The following MTHFD1L variants were observed in gnomAD, a reference collection of about 807,000 sequenced individuals.
The protein encoded by MTHFD1L is methylenetetrahydrofolate dehydrogenase (NADP+ dependent) 1 like.
A neutral mutation model predicts 119.5 loss-of-function variants in MTHFD1L; 81 were observed. That is an observed-to-expected ratio of 0.68 (90% CI 0.57 to 0.82). The LOEUF is 0.82. MTHFD1L is among the 40% of genes least tolerant of loss of function. The pLI is 0.00. For synonymous variants in MTHFD1L, 430 were observed against 475.2 expected, an observed-to-expected ratio of 0.90 and a Z score of 1.24; for missense variants, 1,125 against 1,253.4, an observed-to-expected ratio of 0.90 and a Z score of 1.55.
At chr6:151,005,413 A>G (rs1179306944) in intron 20 of MTHFD1L, among the ~76,000 whole-genome samples, 1 of 152,150 alleles carries the variant, frequency 6.6e-6, no homozygotes, top group Non-Finnish European at 1.5e-5. Flanking sequence ...GCATTTCAGG[A>G]CAGTTTTCAA....
chr6:150,890,173 A>G (rs1782988906), intron 7 of MTHFD1L, among the ~76,000 whole-genome samples: 1 of 151,298 alleles, frequency 6.6e-6, no homozygotes, highest in African/African-American at 2.4e-5. Context: ...ATAATAATAA[A>G]AAGTGTATAT....
intron 5 of MTHFD1L, among the ~76,000 whole-genome samples, chr6:150,884,831 C>G (rs1381379243): frequency 6.6e-6 from 1 of 152,106 alleles, no homozygotes; most frequent in African/African-American, 2.4e-5. Context: ...TGCCCCCCAC[C>G]CCGACTTCTC....
chr6:150,957,474 C>G (rs939224192), intron 17 of MTHFD1L, among the ~76,000 whole-genome samples: 1 of 151,768 alleles, frequency 6.6e-6, no homozygotes, highest in Non-Finnish European at 1.5e-5. Flanking sequence ...TTTGAAATGA[C>G]CCAACAATTA....
chr6:151,033,272 G>A (rs1033669048), intron 24 of MTHFD1L, among the ~76,000 whole-genome samples: 2 of 151,918 alleles, frequency 1.3e-5, no homozygotes, highest in African/African-American at 4.8e-5. Flanking sequence ...GAAGTGCGCT[G>A]CCACACCCAG....
intron 26 of MTHFD1L, among the ~76,000 whole-genome samples, chr6:151,040,251 C>G (rs188663026): frequency 8.9e-4 from 136 of 152,378 alleles, no homozygotes; most frequent in Non-Finnish European, 8.8e-4. Context: ...ATAAGGCACT[C>G]AGCTCGGGGC....
chr6:150,947,212 G>A (rs1169561612), intron 15 of MTHFD1L, among the ~76,000 whole-genome samples: 5 of 150,688 alleles, frequency 3.3e-5, no homozygotes, highest in Admixed American at 6.6e-5. Context: ...GTTCTGCCTC[G>A]GCCTTCTGAG....
intron 10 of MTHFD1L, among the ~76,000 whole-genome samples, chr6:150,923,537 A>ATTTATTTATTTATTTATTTTTTTTT (rs1254981530): frequency 1.1e-5 from 1 of 95,208 alleles, no homozygotes; most frequent in Admixed American, 1.1e-4. Context: ...TTATTTATTT[A>ATTTATTTATTTATTTATTTTTTTTT]TTTTTTCTTT....
chr6:151,000,682 C>T lies in MTHFD1L; in HGVS notation c.2126-9137C>T, dbSNP rs78639467. 9.4e-3 allele frequency among the ~76,000 whole-genome samples: 1,437 copies of T among 152,326 alleles called. 19 individuals are homozygous for T. The highest frequency in any genetic ancestry group is 0.032 in the African/African-American group (1,323 of 41,564). ...CTGGTAGTCACTGAAAAAGTCATTA[C>T]AATCCTCACTTTCTCCCCTTTAATT... is the stretch of plus-strand genomic sequence containing the variant. On this transcript the variant is annotated intron_variant, in intron 20 of 27. Transcript: ENST00000367321.
intron 12 of MTHFD1L, 25 bp downstream of exon 12, chr6:150,936,965 C>T (rs1317381422): frequency 1.9e-6 from 3 of 1,606,506 alleles, no homozygotes; most frequent in African/African-American, 1.3e-5. Context: ...AACTAGTGTA[C>T]TTTTCAGGGC....
Position 150,945,527 on chromosome 6 carries a change from C to A in MTHFD1L, c.1609C>A (p.Leu537Ile), listed in dbSNP as rs773458764. Residue 537 changes from leucine to isoleucine, a missense_variant, in exon 15 of 28, where the codon CTT becomes ATT. This residue lies in a region of MTHFD1L where 1,058 missense variants were observed against 1,151.2 expected (regional missense o/e 0.92). Transcript: ENST00000367321. Reference sequence around the variant, plus strand: ...TGTCAGAGAATTTTCAGAAATTCAGCTTGCTCGGCTAAAAGTAAGTTTCCA... The same window carrying A: ...TGTCAGAGAATTTTCAGAAATTCAGATTGCTCGGCTAAAAGTAAGTTTCCA... ...NGVREFSEIQ[L>I]ARLKKLGINK... 2.7e-5 allele frequency: 43 copies of A among 1,613,852 alleles called. No homozygotes were observed. Among genetic ancestry groups the A allele is most frequent in the Non-Finnish European group, 3.4e-5 (40 of 1,179,934 alleles).
chr6:150,949,233 G>A (rs803471), intron 16 of MTHFD1L, 100 bp downstream of exon 16: 304,630 of 874,156 alleles, frequency 0.35, 55,654 homozygotes, highest in South Asian at 0.49. Context: ...ATCCTGTCCA[G>A]TGATCTTCCC....
intron 1 of MTHFD1L, 125 bp downstream of exon 1, chr6:150,866,174 A>AG (rs1475464037): frequency 7.3e-6 from 10 of 1,365,856 alleles, no homozygotes; most frequent in Admixed American, 2.8e-5. Flanking sequence ...CCAACTCATT[A>AG]GGGGGGCCGG....
chr6:151,022,130 G>C lies in MTHFD1L; in HGVS notation c.2586+6437G>C. On this transcript the variant is annotated intron_variant, in intron 24 of 27. Coordinates refer to ENST00000367321, the MANE Select transcript of MTHFD1L (RefSeq NM_015440.5). ...AGCTCTGCTGACTTCTGAACTTCAC[G>C]CTCTCACTGCCCAGATGGCCAGGGG... 9 of 465,310 alleles carry C rather than the reference G, an allele frequency of 1.9e-5. 1 individual carries two copies. Among genetic ancestry groups the C allele is most frequent in the South Asian group, 1.4e-4 (9 of 64,010 alleles). 28.8% of individuals were successfully genotyped at this position (465,310 alleles called of 1,614,324 possible). A position where few individuals can be genotyped will look rare whatever the true frequency, so the allele number is the denominator to read the frequency against.
intron 7 of MTHFD1L, among the ~76,000 whole-genome samples, chr6:150,899,579 C>A (rs750395718): frequency 6.6e-6 from 1 of 152,046 alleles, no homozygotes; most frequent in African/African-American, 2.4e-5. Context: ...TTTAATACTG[C>A]AGGGGAAAGG....
chr6:151,093,409 A>G lies in MTHFD1L; in HGVS notation c.*31+822A>G, dbSNP rs928517490. Among the ~76,000 whole-genome samples the G allele has an allele frequency of 1.9e-4, 7 of 36,364 alleles. No homozygotes were observed. The Admixed American group carries it at 2.3e-3, about 12-fold the overall frequency. 23.9% of individuals were successfully genotyped at this position (36,364 alleles called of 152,430 possible). Reference sequence around the variant, plus strand: ...TTCCAAATAAGATCACTCTCAGCCAAGCACTTTGGGAGGCCGAGGTGGGTG... The same window carrying G: ...TTCCAAATAAGATCACTCTCAGCCAGGCACTTTGGGAGGCCGAGGTGGGTG... On this transcript the variant is annotated intron_variant, in intron 27 of 27. Coordinates refer to ENST00000367321, the MANE Select transcript of MTHFD1L (RefSeq NM_015440.5).
intron 19 of MTHFD1L, 109 bp downstream of exon 19, chr6:150,965,146 T>A: frequency 1.1e-6 from 1 of 912,568 alleles, no homozygotes; most frequent in Non-Finnish European, 1.8e-6. Context: ...GGGGCAGCAG[T>A]GTGCTTTGCA....
intron 27 of MTHFD1L, among the ~76,000 whole-genome samples, chr6:151,100,269 C>G (rs958665411): frequency 2.6e-5 from 4 of 152,090 alleles, no homozygotes. Context: ...ATCTCCTGAC[C>G]TCGTGATCCA....
At chr6:151,052,965 G>A (rs919678948) in intron 26 of MTHFD1L, among the ~76,000 whole-genome samples, 6 of 152,192 alleles carry the variant, frequency 3.9e-5, no homozygotes, top group South Asian at 2.1e-4. Flanking sequence ...GAGATCGCCC[G>A]TCGTGGGGTG....
intron 4 of MTHFD1L, among the ~76,000 whole-genome samples, chr6:150,881,406 T>G (rs751943525): frequency 6.6e-6 from 1 of 152,220 alleles, no homozygotes; most frequent in Non-Finnish European, 1.5e-5. Context: ...AAGGAATCAT[T>G]TATTCCGTAT....
Sources: gnomAD v4.1 joint callset for allele counts (sites outside exome capture counted in the v4.1 genomes callset) on GRCh38, gnomAD v4.1.1 for gene constraint, gnomAD v4.1.1 regional missense constraint, MANE v1.5 for transcripts, NCBI Gene and HGNC (gene_info 2026-07-23, HGNC 2026-07-21) for gene names.